The following ERGIC1 variants were observed in gnomAD, a reference collection of about 807,000 sequenced individuals.
ERGIC1 encodes the protein endoplasmic reticulum-Golgi intermediate compartment protein 1.
Under a neutral mutation model 38.3 loss-of-function variants are expected in ERGIC1, and 19 were observed. The ratio of observed to expected loss-of-function variants is 0.50; its 90% confidence interval spans 0.35 to 0.73. ERGIC1 has a LOEUF of 0.73. Among genes scored for constraint, ERGIC1 ranks in the 30% least tolerant of loss-of-function variants. The pLI, the probability that ERGIC1 is intolerant of heterozygous loss-of-function variation, is 0.01. For synonymous variants in ERGIC1, 124 were observed against 157.6 expected (o/e 0.79, Z 1.60); for missense variants, 294 against 389.2 (o/e 0.76, Z 2.06).
chr5:172,841,670 C>G (rs988774848), intron 1 of ERGIC1, among the ~76,000 whole-genome samples: 23 of 152,162 alleles, frequency 1.5e-4, no homozygotes, highest in African/African-American at 4.8e-4. Flanking sequence ...TTCTCAGATT[C>G]TGGTCTGGGT....
At chr5:172,889,216 G>A (rs1293392397) in intron 2 of ERGIC1, among the ~76,000 whole-genome samples, 1 of 150,600 alleles carries the variant, frequency 6.6e-6, no homozygotes, top group Non-Finnish European at 1.5e-5. Context: ...ACAGGGAGGT[G>A]GAGGTTGCAG....
At chr5:172,883,655 A>G (rs565966159) in intron 1 of ERGIC1, among the ~76,000 whole-genome samples, 3 of 152,250 alleles carry the variant, frequency 2.0e-5, no homozygotes, top group South Asian at 2.1e-4. Flanking sequence ...ATGTGTCTCC[A>G]TGCTTCCGGT....
At chr5:172,902,724 C>G (rs1323817422) in intron 3 of ERGIC1, among the ~76,000 whole-genome samples, 2 of 152,124 alleles carry the variant, frequency 1.3e-5, no homozygotes, top group Admixed American at 6.5e-5. Context: ...ACTCAAGGCT[C>G]CGGAGCACGT....
At chr5:172,881,700 A>C (rs555394628) in intron 1 of ERGIC1, among the ~76,000 whole-genome samples, 29 of 152,102 alleles carry the variant, frequency 1.9e-4, no homozygotes, top group Non-Finnish European at 4.0e-4. Context: ...CTGGATTCAG[A>C]TCTCTGCCGT....
intron 1 of ERGIC1, among the ~76,000 whole-genome samples, chr5:172,848,686 G>A (rs937332409): frequency 1.3e-5 from 2 of 152,198 alleles, no homozygotes; most frequent in African/African-American, 4.8e-5. Context: ...CACACTGTGG[G>A]TGGTCAGTAA....
At position 172,909,370 on chromosome 5, in the gene ERGIC1, G is replaced by A. The variant is rs537270538; in HGVS notation, c.156-297G>A. On this transcript the variant is annotated intron_variant, in intron 3 of 9. Coordinates refer to ENST00000393784, the MANE Select transcript of ERGIC1 (RefSeq NM_001031711.3). The stretch of plus-strand genomic sequence containing the variant: ...AGATGAGGTTTCACCATGTTGGTCA[G>A]GCTAGTCTTGAACTCCTGACCTCAG... Among the ~76,000 whole-genome samples the A allele has an allele frequency of 2.2e-4, 33 of 152,158 alleles. 1 individual carries two copies. The highest frequency in any genetic ancestry group is 7.9e-4 in the African/African-American group (33 of 41,522).
Position 172,860,011 on chromosome 5 carries a change from T to C in ERGIC1, c.20+25578T>C, listed in dbSNP as rs1761656321. Among the ~76,000 whole-genome samples, 3 of 152,262 alleles carry C rather than the reference T, an allele frequency of 2.0e-5. No individual in the cohort carries two copies. In the South Asian group the frequency reaches 6.2e-4, roughly 31 times the overall value. ...GTGCTTCTGTAGAAAGTACTTGTCCTGAGTAATTTCAAGCTTTTAATCTTA... is the reference window on the plus strand; with the variant it reads ...GTGCTTCTGTAGAAAGTACTTGTCCCGAGTAATTTCAAGCTTTTAATCTTA... On this transcript the variant is annotated intron_variant, in intron 1 of 9. Transcript: ENST00000393784.
chr5:172,841,736 G>A (rs752508046), intron 1 of ERGIC1, among the ~76,000 whole-genome samples: 9 of 152,142 alleles, frequency 5.9e-5, no homozygotes, highest in Non-Finnish European at 1.3e-4. Context: ...AATACCTCAC[G>A]GCCCTTCAGC....
chr5:172,844,614 A>G (rs1390627177), intron 1 of ERGIC1, among the ~76,000 whole-genome samples: 2 of 152,154 alleles, frequency 1.3e-5, no homozygotes, highest in Non-Finnish European at 2.9e-5. Flanking sequence ...GGGACCCACA[A>G]GTCAATTTCT....
chr5:172,847,732 C>T (rs1473859465), intron 1 of ERGIC1, among the ~76,000 whole-genome samples: 1 of 152,224 alleles, frequency 6.6e-6, no homozygotes, highest in Non-Finnish European at 1.5e-5. Context: ...CCAGGATGGT[C>T]TCGATCCGTT....
At chr5:172,851,200 C>CAAAAAA (rs34437961) in intron 1 of ERGIC1, among the ~76,000 whole-genome samples, 1 of 96,640 alleles carries the variant, frequency 1.0e-5, no homozygotes, top group Non-Finnish European at 2.1e-5. Flanking sequence ...GACTCTGTCT[C>CAAAAAA]AAAAAAAAAA....
At chr5:172,922,963 C>T (rs890401571) in intron 5 of ERGIC1, among the ~76,000 whole-genome samples, 1 of 152,088 alleles carries the variant, frequency 6.6e-6, no homozygotes, top group Admixed American at 6.6e-5. Context: ...AGGTCAGGCG[C>T]CAGGTGTGTT....
intron 9 of ERGIC1, among the ~76,000 whole-genome samples, chr5:172,947,202 A>T (rs1344621724): frequency 6.6e-6 from 1 of 150,548 alleles, no homozygotes; most frequent in Admixed American, 6.6e-5. Context: ...AAAAAAAAAG[A>T]AAGACATGAT....
chr5:172,935,018 A>C, intron 8 of ERGIC1, 170 bp from the exon 9 acceptor site: 1 of 947,442 alleles, frequency 1.1e-6, no homozygotes, highest in Non-Finnish European at 1.6e-6. Context: ...GGCAGAGTTC[A>C]GGGCCTCCAG....
chr5:172,935,502 C>T (rs1033097074), intron 9 of ERGIC1, 192 bp downstream of exon 9: 11 of 635,346 alleles, frequency 1.7e-5, no homozygotes, highest in Admixed American at 6.0e-5. Context: ...ACATCAGTAT[C>T]GATGACGTTT....
chr5:172,852,499 C>A (rs1182849258), intron 1 of ERGIC1, among the ~76,000 whole-genome samples: 1 of 152,170 alleles, frequency 6.6e-6, no homozygotes, highest in Non-Finnish European at 1.5e-5. Flanking sequence ...TAGTAGAGAC[C>A]AGTGATTAAG....
chr5:172,931,341 T>C (rs2113466205), intron 7 of ERGIC1: 1 of 152,382 alleles, frequency 6.6e-6, no homozygotes, highest in African/African-American at 2.4e-5. Flanking sequence ...TCATCTGTGC[T>C]TTCATTCATG....
In ERGIC1 at chr5:172,893,302, C is replaced by T. The variant is rs143576593; in HGVS notation, c.83-3700C>T. Among the ~76,000 whole-genome samples the T allele has an allele frequency of 2.8e-3, 429 of 152,138 alleles. 3 individuals are homozygous for T. The highest frequency in any genetic ancestry group is 0.01 in the African/African-American group (416 of 41,480). On this transcript the variant is annotated intron_variant, in intron 2 of 9. Coordinates refer to ENST00000393784, the MANE Select transcript of ERGIC1 (RefSeq NM_001031711.3). The stretch of plus-strand genomic sequence containing the variant: ...GGTTGGGATTACAGGCGCCTGCCAC[C>T]GCACCTGGCTAATTTTTGTATTTTT...
At chr5:172,945,273 C>T (rs1764096853) in intron 9 of ERGIC1, among the ~76,000 whole-genome samples, 1 of 152,204 alleles carries the variant, frequency 6.6e-6, no homozygotes, top group Admixed American at 6.5e-5. Context: ...GGGAACAGGA[C>T]ACCCTGTCTG....
Sources: gnomAD v4.1 joint callset for allele counts (sites outside exome capture counted in the v4.1 genomes callset) on GRCh38, gnomAD v4.1.1 for gene constraint, MANE v1.5 for transcripts, NCBI Gene and HGNC (gene_info 2026-07-23, HGNC 2026-07-21) for gene names.